ERG: variants seen among roughly 807,000 people sequenced by gnomAD.
The protein encoded by ERG is transcriptional regulator ERG.
ERG carries 9 observed loss-of-function variants against 55.3 expected under a neutral mutation model. The ratio of observed to expected loss-of-function variants is 0.16; its 90% CI spans 0.10 to 0.28. The LOEUF (loss-of-function observed/expected upper bound fraction) is 0.28, where lower values mean the gene tolerates loss of function less well. Ranked by LOEUF, ERG falls within the 10% of genes least tolerant of loss-of-function variation. The pLI is 1.00. For missense variants in ERG, 434 were observed against 631.6 expected (o/e 0.69, Z 3.35); for synonymous variants, 223 against 237.3 (o/e 0.94, Z 0.55).
intron 2 of ERG, among the ~76,000 whole-genome samples, chr21:38,541,477 T>C (rs2059751741): frequency 6.6e-6 from 1 of 152,210 alleles, no homozygotes; most frequent in African/African-American, 2.4e-5. Flanking sequence ...ATGCCACACA[T>C]TGCCACTTGC....
In ERG at chr21:38,625,118, T is replaced by G. The variant is rs550686108; in HGVS notation, c.-150+36540A>C. Among the ~76,000 whole-genome samples the G allele has an allele frequency of 5.3e-5, 8 of 152,294 alleles. No homozygotes were observed. The East Asian group carries it at 1.5e-3, about 29-fold the overall frequency. ...ACCTTCATCCTTTGAGAATTTTTTTTTAGAGCAGAAATAGACTCTATCCAA... is the reference window on the plus strand; with the variant it reads ...ACCTTCATCCTTTGAGAATTTTTTTGTAGAGCAGAAATAGACTCTATCCAA... On this transcript the variant is annotated intron_variant, in intron 1 of 10. Transcript: ENST00000398910.
intron 2 of ERG, among the ~76,000 whole-genome samples, chr21:38,520,544 T>C (rs2059586688): frequency 6.6e-6 from 1 of 152,138 alleles, no homozygotes; most frequent in Admixed American, 6.6e-5. Flanking sequence ...GGGCCAAAGA[T>C]GAATTAGGGA....
intron 1 of ERG, among the ~76,000 whole-genome samples, chr21:38,490,026 TC>T (rs1378710546): frequency 8.5e-5 from 13 of 152,200 alleles, no homozygotes; most frequent in Admixed American, 3.3e-4. Context: ...AATGTCTCCT[TC>T]CAGGACCTGC....
chr21:38,382,663 T>C lies in ERG; in HGVS notation c.*740A>G. 1.9e-6 allele frequency: 2 copies of C among 1,067,084 alleles called. No individual in the cohort carries two copies. Among genetic ancestry groups the C allele is most frequent in the Non-Finnish European group, 2.3e-6 (2 of 880,136 alleles). The allele number at this position is 1,067,084 out of a possible 1,614,324, so 66.1% of individuals were successfully genotyped here. A position where few individuals can be genotyped will look rare whatever the true frequency, so the allele number is the denominator to read the frequency against. ...GCTTGAGAAGTTTCTTTCCCAGCCC[T>C]GGTCTCCTCCTTCTCTGCCTCTTCC... On this transcript the variant is annotated 3_prime_UTR_variant, in exon 10 of 10. Transcript: ENST00000288319.
chr21:38,452,130 AAG>A (rs3831375), intron 1 of ERG, among the ~76,000 whole-genome samples: 14,521 of 152,292 alleles, frequency 0.095, 843 homozygotes, highest in Non-Finnish European at 0.13. Flanking sequence ...AGTCCATCTA[AAG>A]AGAGTATTTC....
chr21:38,382,239 G>C lies in ERG; in HGVS notation c.*1164C>G. 1 of 1,049,316 alleles carries C rather than the reference G, an allele frequency of 9.5e-7. No individual in the cohort carries two copies. The highest frequency in any genetic ancestry group is 1.2e-6 in the Non-Finnish European group (1 of 868,744). 65.0% of individuals were successfully genotyped at this position (1,049,316 alleles called of 1,614,324 possible). On this transcript the variant is annotated 3_prime_UTR_variant, in exon 10 of 10. Coordinates refer to ENST00000288319, the MANE Select transcript of ERG (RefSeq NM_182918.4). ...TATATAATTATTATATAAAAAGGGG[G>C]AAAAACATTGACTTGTATACTTCAT...
chr21:38,399,040 G>A (rs781372147), intron 6 of ERG, among the ~76,000 whole-genome samples: 1 of 152,196 alleles, frequency 6.6e-6, no homozygotes, highest in Non-Finnish European at 1.5e-5. Flanking sequence ...TAAAGCTTGA[G>A]TCAAACATGA....
chr21:38,379,317 G>T (rs113487121), downstream of ERG, among the ~76,000 whole-genome samples: 4,808 of 152,316 alleles, frequency 0.032, 91 homozygotes, highest in Middle Eastern at 0.048. Context: ...CTCCCTTCTA[G>T]ACGAGCATCC....
chr21:38,487,239 G>A (rs1384755265), intron 1 of ERG, among the ~76,000 whole-genome samples: 2 of 151,160 alleles, frequency 1.3e-5, no homozygotes, highest in Non-Finnish European at 1.5e-5. Flanking sequence ...ATTGGTACAG[G>A]AGTAAAGACA....
chr21:38,638,465 T>C (rs563223279), intron 1 of ERG, among the ~76,000 whole-genome samples: 1 of 152,158 alleles, frequency 6.6e-6, no homozygotes, highest in Admixed American at 6.5e-5. Context: ...CAGGTCCAGG[T>C]AAAAAAGGGC....
At chr21:38,428,502 T>C (rs1437205835) in intron 2 of ERG, among the ~76,000 whole-genome samples, 2 of 152,216 alleles carry the variant, frequency 1.3e-5, no homozygotes, top group Non-Finnish European at 2.9e-5. Flanking sequence ...CATTGTTTTA[T>C]TGTGCACATG....
At chr21:38,642,901 G>A (rs1288063156) in intron 1 of ERG, among the ~76,000 whole-genome samples, 1 of 152,184 alleles carries the variant, frequency 6.6e-6, no homozygotes, top group Non-Finnish European at 1.5e-5. Context: ...AGTTACAGAT[G>A]ATGGAGTATG....
At position 38,626,385 on chromosome 21, in the gene ERG, G is replaced by A. The variant is rs553814741; in HGVS notation, c.-150+35273C>T. Among the ~76,000 whole-genome samples, 5 of 152,326 alleles carry A rather than the reference G, an allele frequency of 3.3e-5. No individual in the cohort carries two copies. In the South Asian group the frequency reaches 1.0e-3, roughly 32 times the overall value. ...GACTGACCATGATGAGAGAAGTACG[G>A]AAAGTAAGAAGGGCTTGTAAAATTT... On this transcript the variant is annotated intron_variant, in intron 1 of 10. Coordinates refer to the ERG transcript ENST00000398910.
chr21:38,452,341 A>G (rs2058949062), intron 1 of ERG, among the ~76,000 whole-genome samples: 1 of 147,054 alleles, frequency 6.8e-6, no homozygotes, highest in Non-Finnish European at 1.5e-5. Context: ...ATATATACAT[A>G]CACACACATA....
intron 1 of ERG, among the ~76,000 whole-genome samples, chr21:38,487,902 T>A (rs1003986692): frequency 6.6e-6 from 1 of 152,238 alleles, no homozygotes; most frequent in Non-Finnish European, 1.5e-5. Context: ...CAATTTCATG[T>A]TAAATACAAA....
chr21:38,405,643 AG>A (rs1988730826), intron 3 of ERG, among the ~76,000 whole-genome samples: 2 of 152,160 alleles, frequency 1.3e-5, no homozygotes, highest in Admixed American at 1.3e-4. Context: ...CGGAAGCATC[AG>A]CATCACCTGG....
intron 2 of ERG, among the ~76,000 whole-genome samples, chr21:38,559,919 G>A (rs1238979817): frequency 6.6e-6 from 1 of 152,152 alleles, no homozygotes; most frequent in African/African-American, 2.4e-5. Flanking sequence ...CTGACCTCAG[G>A]TGATCCACCC....
intron 1 of ERG, among the ~76,000 whole-genome samples, chr21:38,660,973 A>G (rs761485024): frequency 2.8e-4 from 42 of 151,822 alleles, no homozygotes; most frequent in Non-Finnish European, 5.2e-4. Context: ...CGGGTTTAGG[A>G]CGCGGCTGGC....
chr21:38,470,908 T>TG (rs2059133231), intron 1 of ERG: 1 of 152,258 alleles, frequency 6.6e-6, no homozygotes, highest in African/African-American at 2.4e-5. Context: ...TTCATCAGAC[T>TG]GGACCAGGAG....
Sources: gnomAD v4.1 joint callset for allele counts (sites outside exome capture counted in the v4.1 genomes callset) on GRCh38, gnomAD v4.1.1 for gene constraint, MANE v1.5 for transcripts, NCBI Gene and HGNC (gene_info 2026-07-23, HGNC 2026-07-21) for gene names.